ZNF397: variants seen among roughly 807,000 people sequenced by gnomAD.
The protein encoded by ZNF397 is zinc finger protein 397.
ZNF397 carries 38 observed loss-of-function variants against 50.6 expected under a neutral mutation model. That is an observed-to-expected ratio of 0.75 (90% CI 0.58 to 0.98). The LOEUF (loss-of-function observed/expected upper bound fraction) is 0.98. Ranked by LOEUF, ZNF397 falls within the 50% of genes least tolerant of loss-of-function variation. The pLI, the probability that ZNF397 is intolerant of heterozygous loss-of-function variation, is 0.00. For synonymous variants in ZNF397, 228 were observed against 215.2 expected (o/e 1.06, Z -0.52); for missense variants, 624 against 624.1 (o/e 1.00, Z 0.00).
chr18:35,244,837 T>C (rs1469609212), intron 3 of ZNF397, among the ~76,000 whole-genome samples: 1 of 152,188 alleles, frequency 6.6e-6, no homozygotes, highest in Non-Finnish European at 1.5e-5. Context: ...CTTGAAAGGC[T>C]GCAGACAACT....
At position 35,246,727 on chromosome 18, in the gene ZNF397, A is replaced by T; in HGVS notation, c.*417A>T. The T allele has an allele frequency of 1.0e-6, 1 of 989,188 alleles. No individual in the cohort carries two copies. The highest frequency in any genetic ancestry group is 1.2e-6 in the Non-Finnish European group (1 of 832,964). 61.3% of individuals were successfully genotyped at this position (989,188 alleles called of 1,614,324 possible). ...GGAACTAAAAAAAAAAAAAAAACTGACCCAATAAAGAACAGTGACAGAGCA... is the reference window on the plus strand; with the variant it reads ...GGAACTAAAAAAAAAAAAAAAACTGTCCCAATAAAGAACAGTGACAGAGCA... On this transcript the variant is annotated 3_prime_UTR_variant, in exon 4 of 4. Transcript: ENST00000330501.
Position 35,246,111 on chromosome 18 carries a change from T to C in ZNF397, c.1406T>C (p.Ile469Thr), listed in dbSNP as rs763391705. 8.4e-6 allele frequency: 13 copies of C among 1,552,650 alleles called. No individual in the cohort carries two copies. Among genetic ancestry groups the C allele is most frequent in the African/African-American group, 6.8e-5 (5 of 73,048 alleles). The change falls in exon 4 of 4, where the codon ATC becomes ACC. Residue 469 changes from isoleucine to threonine, a missense_variant. Ile to Thr is a moderately conservative substitution (Grantham distance 89, BLOSUM62 -1). Coordinates refer to ENST00000330501, the MANE Select transcript of ZNF397 (RefSeq NM_001135178.3). ...GKAFSLSSNL[I>T]RHQRIHSGEE... ...GCTTTCAGTTTGAGCTCAAACCTTA[T>C]CAGACATCAGAGAATTCATAGTGGG...
At chr18:35,253,977 G>A (rs764317734), downstream of ZNF397, 4 of 1,613,994 alleles carry the variant, frequency 2.5e-6, no homozygotes, top group Non-Finnish European at 3.4e-6. Flanking sequence ...TGAATTCTCT[G>A]ATGTCTAATC....
Position 35,245,695 on chromosome 18 carries a change from T to G in ZNF397, c.990T>G (p.Ile330Met). 5.8e-6 allele frequency: 9 copies of G among 1,552,232 alleles called. No homozygotes were observed. Among genetic ancestry groups the G allele is most frequent in the Non-Finnish European group, 7.0e-6 (8 of 1,147,254 alleles). Residue 330 changes from isoleucine (I) to methionine (M), a missense_variant, in exon 4 of 4, where the codon ATT becomes ATG. Physicochemically the swap from Ile to Met is conservative, Grantham distance 10. Coordinates refer to ENST00000330501, the MANE Select transcript of ZNF397 (RefSeq NM_001135178.3). Reference protein sequence around the residue: ...KAFSLRSYLIIHQRIHSGEKA... With the variant: ...KAFSLRSYLIMHQRIHSGEKA... ...TTAGTTTGAGGTCCTATCTTATTAT[T>G]CATCAGAGAATTCATAGTGGTGAGA...
At chr18:35,250,192 C>A (rs1225891227), downstream of ZNF397, among the ~76,000 whole-genome samples, 2 of 152,206 alleles carry the variant, frequency 1.3e-5, no homozygotes, top group Non-Finnish European at 2.9e-5. Context: ...AAGTGGAGAT[C>A]TTTGATTATT....
chr18:35,242,431 C>A lies in ZNF397; in HGVS notation c.-40C>A. 2 of 1,576,970 alleles carry A rather than the reference C, an allele frequency of 1.3e-6. No homozygotes were observed. The highest frequency in any genetic ancestry group is 1.2e-5 in the South Asian group (1 of 86,150). ...TCACACTCCTTCGCAAGCACAGAAC[C>A]AGTTGTACTGAGCTTTTTGCTAAGC... On this transcript the variant is annotated 5_prime_UTR_variant, in exon 2 of 4. Coordinates refer to ENST00000330501, the MANE Select transcript of ZNF397 (RefSeq NM_001135178.3).
In ZNF397 at chr18:35,242,791, G is replaced by A. The variant is rs751095373; in HGVS notation, c.321G>A (p.Gln107=). Reference sequence around the variant, plus strand: ...TGAGCATTCTGCCTGAGGAGCTGCAGATCTGGGTTCAGCAACATAATCCAG... The same window carrying A: ...TGAGCATTCTGCCTGAGGAGCTGCAAATCTGGGTTCAGCAACATAATCCAG... ...QFLSILPEEL[Q]IWVQQHNPES... Residue 107 remains glutamine (Q), a synonymous_variant, in exon 2 of 4, where the codon CAG becomes CAA. Coordinates refer to ENST00000330501, the MANE Select transcript of ZNF397 (RefSeq NM_001135178.3). 2.4e-5 allele frequency: 38 copies of A among 1,614,090 alleles called. No homozygotes were observed. The South Asian group carries it at 4.2e-4, about 18-fold the overall frequency.
At chr18:35,253,971 T>G (rs2043692891), downstream of ZNF397, 1 of 1,614,238 alleles carries the variant, frequency 6.2e-7, no homozygotes, top group Non-Finnish European at 8.5e-7. Context: ...CCAGTATGAA[T>G]TCTCTGATGT....
chr18:35,251,062 T>C (rs934202861), downstream of ZNF397: 2 of 152,240 alleles, frequency 1.3e-5, no homozygotes, highest in African/African-American at 4.8e-5. Flanking sequence ...CAAAGCAAAC[T>C]TTTAAAACTC....
intron 2 of ZNF397, 106 bp downstream of exon 2, chr18:35,242,990 C>G: frequency 1.3e-6 from 2 of 1,483,300 alleles, no homozygotes; most frequent in Non-Finnish European, 1.8e-6. Context: ...TGAACCCTAA[C>G]CTGAAGTGAC....
intron 3 of ZNF397, chr18:35,244,057 A>T (rs1434229688): frequency 6.4e-6 from 1 of 155,168 alleles, no homozygotes; most frequent in East Asian, 1.9e-4. Context: ...GAATCATGTA[A>T]GGAAGGCAAG....
Position 35,245,475 on chromosome 18 carries a change from A to T in ZNF397, c.770A>T (p.Asp257Val). The T allele has an allele frequency of 6.4e-7, 1 of 1,552,954 alleles. No homozygotes were observed. Among genetic ancestry groups the T allele is most frequent in the Non-Finnish European group, 8.7e-7 (1 of 1,147,464 alleles). The change falls in exon 4 of 4, where the codon GAC (aspartate) becomes GTC (valine). Residue 257 changes from aspartate to valine, a missense_variant. By Grantham distance (152) the Asp-to-Val change is radical (BLOSUM62 -3). Coordinates refer to ENST00000330501, the MANE Select transcript of ZNF397 (RefSeq NM_001135178.3). ...IFTNKSLGKR[D>V]LYDEAERCLI... ...ACAAACAAATCTCTAGGAAAGAGAGACCTTTATGATGAGGCTGAAAGATGC... is the reference window on the plus strand; with the variant it reads ...ACAAACAAATCTCTAGGAAAGAGAGTCCTTTATGATGAGGCTGAAAGATGC...
At chr18:35,244,815 A>G (rs565066261) in intron 3 of ZNF397, among the ~76,000 whole-genome samples, 10 of 152,306 alleles carry the variant, frequency 6.6e-5, no homozygotes, top group Admixed American at 6.5e-4. Context: ...TTGTGGAATG[A>G]GGATACTTTC....
rs2043475943 is a variant in ZNF397 at position 35,246,093 on chromosome 18, G to A, written c.1388G>A (p.Ser463Asn). ...YECSECGKAFSLSSNLIRHQR... is the reference protein window; with the variant it reads ...YECSECGKAFNLSSNLIRHQR... ...TGTAGTGAATGTGGAAAAGCTTTCA[G>A]TTTGAGCTCAAACCTTATCAGACAT... is the stretch of plus-strand genomic sequence containing the variant. The change falls in exon 4 of 4, where the codon AGT (serine) becomes AAT (asparagine). Residue 463 changes from serine (S) to asparagine (N), a missense_variant. Coordinates refer to ENST00000330501, the MANE Select transcript of ZNF397 (RefSeq NM_001135178.3). 6.4e-7 allele frequency: 1 copy of A among 1,554,970 alleles called. No homozygotes were observed. The highest frequency in any genetic ancestry group is 1.4e-5 in the African/African-American group (1 of 73,096).
rs1216601098 is a variant in ZNF397 at position 35,249,780 on chromosome 18, TTATG to T, written c.*3474_*3477del. ...GTATGATCCTATGTAAAATATATAT[TTATG>T]TATTAAAAATACTGAAAACATAAAG... On this transcript the variant is annotated 3_prime_UTR_variant, in exon 4 of 4. Coordinates refer to ENST00000330501, the MANE Select transcript of ZNF397 (RefSeq NM_001135178.3). The T allele has an allele frequency of 6.6e-6, 1 of 151,698 alleles. No individual in the cohort carries two copies. Among genetic ancestry groups the T allele is most frequent in the Non-Finnish European group, 1.5e-5 (1 of 67,978 alleles). 9.4% of individuals were successfully genotyped at this position (151,698 alleles called of 1,614,324 possible).
chr18:35,242,854 A>G lies in ZNF397; in HGVS notation c.384A>G (p.Leu128=). ...AAGCTGTGACCCTGTTGGAGGATTT[A>G]GAGAGGGAGTTTGATGACCCAGGGC... is the stretch of plus-strand genomic sequence containing the variant. ...GEEAVTLLED[L]EREFDDPGQQ... is the part of the protein sequence containing the mutation. Residue 128 remains leucine (L), a synonymous_variant, in exon 2 of 4, where the codon TTA becomes TTG. Coordinates refer to ENST00000330501, the MANE Select transcript of ZNF397 (RefSeq NM_001135178.3). The G allele has an allele frequency of 6.2e-7, 1 of 1,612,370 alleles. No homozygotes were observed. Among genetic ancestry groups the G allele is most frequent in the Non-Finnish European group, 8.5e-7 (1 of 1,178,916 alleles).
downstream of ZNF397, chr18:35,252,097 G>A (rs1421606859): frequency 6.6e-6 from 1 of 152,166 alleles, no homozygotes; most frequent in Non-Finnish European, 1.5e-5. Flanking sequence ...CTCTCCAGCA[G>A]GAATTAGTTG....
At position 35,249,643 on chromosome 18, in the gene ZNF397, A is replaced by T. The variant is rs1385949721; in HGVS notation, c.*3333A>T. ...ATTCCAGCCTGGGTGACAGAGTGAG[A>T]CTGTGTCTCAAAAAAAAAAAAAAAA... On this transcript the variant is annotated 3_prime_UTR_variant, in exon 4 of 4. Coordinates refer to ENST00000330501, the MANE Select transcript of ZNF397 (RefSeq NM_001135178.3). 15 of 111,042 alleles carry T rather than the reference A, an allele frequency of 1.4e-4. No homozygotes were observed. Among genetic ancestry groups the T allele is most frequent in the Middle Eastern group, 9.3e-3 (2 of 216 alleles). The allele number at this position is 111,042 out of a possible 1,614,324, so 6.9% of individuals were successfully genotyped here. A position where few individuals can be genotyped will look rare whatever the true frequency, so the allele number is the denominator to read the frequency against.
chr18:35,254,374 C>G (rs924933381), downstream of ZNF397: 5 of 1,613,950 alleles, frequency 3.1e-6, no homozygotes, highest in Non-Finnish European at 4.2e-6. Flanking sequence ...CAGCCACCAT[C>G]CTGCCATCTA....
Sources: allele counts gnomAD v4.1 joint callset (sites outside exome capture counted in the v4.1 genomes callset), GRCh38; gene constraint gnomAD v4.1.1; transcripts MANE v1.5; gene names NCBI Gene and HGNC (gene_info 2026-07-23, HGNC 2026-07-21).